RBL1: variants seen among roughly 807,000 people sequenced by gnomAD.
RBL1 encodes the protein RB transcriptional corepressor like 1, also known as retinoblastoma-like protein 1.
RBL1 carries 82 observed loss-of-function variants against 123.0 expected under a neutral mutation model. The ratio of observed to expected loss-of-function variants is 0.67; its 90% CI spans 0.56 to 0.80. The LOEUF (loss-of-function observed/expected upper bound fraction) is 0.80. Among genes scored for constraint, RBL1 ranks in the 30% least tolerant of loss-of-function variants. RBL1 has a pLI of 0.00. For synonymous variants in RBL1, 405 were observed against 441.3 expected (o/e 0.92, Z 1.03); for missense variants, 1,171 against 1,299.6 (o/e 0.90, Z 1.52).
chr20:37,037,715 G>A (rs917291245), intron 14 of RBL1, among the ~76,000 whole-genome samples: 3 of 149,696 alleles, frequency 2.0e-5, no homozygotes, highest in Admixed American at 6.7e-5. Context: ...TCACTCTGTC[G>A]ACCAGGCTGG....
At chr20:37,035,594 A>C (rs2064597626) in intron 14 of RBL1, 86 bp from the exon 15 acceptor site, 7 of 1,197,790 alleles carry the variant, frequency 5.8e-6, no homozygotes, top group Admixed American at 5.8e-5. Context: ...ATAGTGAGTT[A>C]CTTATGCTGG....
intron 2 of RBL1, among the ~76,000 whole-genome samples, chr20:37,071,945 C>T (rs2065287718): frequency 6.6e-6 from 1 of 152,144 alleles, no homozygotes; most frequent in Non-Finnish European, 1.5e-5. Flanking sequence ...CTGCAGAACC[C>T]TGGGCCAAAT....
chr20:37,070,012 CT>C (rs1207565604), intron 2 of RBL1, among the ~76,000 whole-genome samples: 1 of 152,124 alleles, frequency 6.6e-6, no homozygotes, highest in Non-Finnish European at 1.5e-5. Flanking sequence ...ACAATGGCGG[CT>C]TTGTGGAATA....
At chr20:37,092,454 G>C (rs2065664663) in intron 1 of RBL1, among the ~76,000 whole-genome samples, 1 of 151,898 alleles carries the variant, frequency 6.6e-6, no homozygotes, top group African/African-American at 2.4e-5. Context: ...CTGCAGCCTC[G>C]ACCTCCCAGG....
At chr20:37,035,137 C>T in intron 15 of RBL1, 105 bp downstream of exon 15, 1 of 1,155,178 alleles carries the variant, frequency 8.7e-7, no homozygotes, top group Non-Finnish European at 1.2e-6. Context: ...AGTATAGGTT[C>T]AAGAAAAAAT....
intron 20 of RBL1, among the ~76,000 whole-genome samples, chr20:37,005,894 C>CTTTTTTTTTTTTTTTTTTTTTTTTTTTT (rs1013303071): frequency 6.1e-5 from 6 of 98,142 alleles, no homozygotes; most frequent in African/African-American, 8.8e-5. Flanking sequence ...TTTTTTCTTT[C>CTTTTTTTTTTTTTTTTTTTTTTTTTTTT]TTTTTTTTTT....
chr20:37,071,332 G>A (rs2065278456), intron 2 of RBL1, among the ~76,000 whole-genome samples: 1 of 152,172 alleles, frequency 6.6e-6, no homozygotes, highest in Non-Finnish European at 1.5e-5. Flanking sequence ...TGGTTTGGAT[G>A]TTTTGTCCCC....
intron 21 of RBL1, among the ~76,000 whole-genome samples, chr20:37,001,459 AC>A (rs2063978783): frequency 6.6e-6 from 1 of 150,404 alleles, no homozygotes; most frequent in African/African-American, 2.4e-5. Context: ...CTGTGACCTT[AC>A]CCCCAACCCT....
At chr20:37,028,660 G>A (rs1600490865) in intron 16 of RBL1, among the ~76,000 whole-genome samples, 2 of 152,192 alleles carry the variant, frequency 1.3e-5, no homozygotes, top group Middle Eastern at 6.8e-3. Context: ...TCCATTCTAC[G>A]GCAACATAAC....
rs368230299 is a variant in RBL1 at position 37,061,209 on chromosome 20, C to T, written c.1144G>A (p.Ala382Thr). The T allele has an allele frequency of 2.7e-5, 43 of 1,613,964 alleles. No homozygotes were observed. Among genetic ancestry groups the T allele is most frequent in the Non-Finnish European group, 3.6e-5 (42 of 1,180,006 alleles). The change falls in exon 9 of 22, where the codon GCA becomes ACA. Residue 382 changes from alanine to threonine, a missense_variant. Coordinates refer to ENST00000373664, the MANE Select transcript of RBL1 (RefSeq NM_002895.5). ...TGRRYLREKE[A>T]VITPVASATQ... ...GCTGATGCAACAGGAGTAATGACTGCTTCTTTTTCTCGTAAATATCTCCGT... is the reference window on the plus strand; with the variant it reads ...GCTGATGCAACAGGAGTAATGACTGTTTCTTTTTCTCGTAAATATCTCCGT...
intron 12 of RBL1, among the ~76,000 whole-genome samples, chr20:37,045,477 A>AT (rs2064806399): frequency 1.3e-5 from 2 of 152,018 alleles, no homozygotes; most frequent in African/African-American, 4.8e-5. Flanking sequence ...AAGGAGGCCG[A>AT]CACAGTGGCT....
chr20:37,065,335 T>C (rs1360468274), intron 7 of RBL1, 89 bp downstream of exon 7: 2 of 949,998 alleles, frequency 2.1e-6, no homozygotes, highest in Non-Finnish European at 3.1e-6. Context: ...GGTCTTACTT[T>C]GATATACTGT....
chr20:37,059,197 C>T (rs1347817675), intron 9 of RBL1, among the ~76,000 whole-genome samples: 2 of 152,124 alleles, frequency 1.3e-5, no homozygotes, highest in Admixed American at 6.6e-5. Flanking sequence ...AAGGTAGATC[C>T]GTGACAGTCT....
In RBL1 at chr20:37,020,704, T is replaced by C. The variant is rs777003983; in HGVS notation, c.2586A>G (p.Gln862=). 1.3e-6 allele frequency: 2 copies of C among 1,588,362 alleles called. No homozygotes were observed. The highest frequency in any genetic ancestry group is 2.2e-5 in the East Asian group (1 of 44,688). The part of the protein sequence containing the change: ...AKVTKEERTF[Q]EIMKSYRNQP... ...GATTCCTATAACTTTTCATAATTTC[T>C]TGAAAAGTTCTTTCTTCTTTTGTTA... The change falls in exon 18 of 22, where the codon CAA becomes CAG. Residue 862 remains glutamine, a synonymous_variant. Transcript: ENST00000373664.
chr20:37,008,770 C>T (rs2064111511), intron 19 of RBL1, among the ~76,000 whole-genome samples: 1 of 151,660 alleles, frequency 6.6e-6, no homozygotes, highest in African/African-American at 2.4e-5. Flanking sequence ...CAAACAGCCC[C>T]AGGGGATGTC....
chr20:37,079,280 A>G (rs1012313463), intron 2 of RBL1, among the ~76,000 whole-genome samples: 1 of 151,812 alleles, frequency 6.6e-6, no homozygotes, highest in Admixed American at 6.6e-5. Flanking sequence ...TAATTTTTAG[A>G]AAAAGAAACT....
chr20:37,063,154 T>C (rs574214016), intron 7 of RBL1, among the ~76,000 whole-genome samples: 1 of 152,146 alleles, frequency 6.6e-6, no homozygotes, highest in South Asian at 2.1e-4. Flanking sequence ...CTTGGCACAC[T>C]GCAGCCTCTA....
intron 1 of RBL1, among the ~76,000 whole-genome samples, chr20:37,094,542 G>A (rs1449036282): frequency 1.3e-5 from 2 of 152,094 alleles, no homozygotes; most frequent in Admixed American, 6.6e-5. Flanking sequence ...TGGGTCCAGC[G>A]CCCTTGGCAC....
At chr20:37,067,701 C>G (rs1600570019) in intron 3 of RBL1, among the ~76,000 whole-genome samples, 1 of 128,944 alleles carries the variant, frequency 7.8e-6, no homozygotes, top group African/African-American at 2.9e-5. Flanking sequence ...ACCTGGGAGA[C>G]AGAGGTTGCA....
Sources: gnomAD v4.1 joint callset for allele counts (sites outside exome capture counted in the v4.1 genomes callset) on GRCh38, gnomAD v4.1.1 for gene constraint, MANE v1.5 for transcripts, NCBI Gene and HGNC (gene_info 2026-07-23, HGNC 2026-07-21) for gene names.